DSCAM: variants seen among roughly 807,000 people sequenced by gnomAD.
The protein encoded by DSCAM is cell adhesion molecule DSCAM.
In DSCAM, 47 loss-of-function variants were observed where a neutral mutation model predicts 217.7. That is an observed-to-expected ratio of 0.22 (90% CI 0.17 to 0.28). The LOEUF is 0.28. DSCAM is among the 10% of genes least tolerant of loss of function. DSCAM has a pLI of 1.00. For missense variants in DSCAM, 2,080 were observed against 2,618.3 expected (o/e 0.79, Z 4.49); for synonymous variants, 1,056 against 1,015.3 (o/e 1.04, Z -0.76).
intron 32 of DSCAM, among the ~76,000 whole-genome samples, chr21:40,029,189 A>C (rs1354736285): frequency 6.6e-6 from 1 of 152,176 alleles, no homozygotes; most frequent in Non-Finnish European, 1.5e-5. Context: ...GCCAGTTGCA[A>C]ACCTTCTTGG....
At chr21:40,717,378 G>T (rs999074371) in intron 1 of DSCAM, among the ~76,000 whole-genome samples, 1 of 152,218 alleles carries the variant, frequency 6.6e-6, no homozygotes, top group African/African-American at 2.4e-5. Flanking sequence ...ACAAAACTGT[G>T]AGCAAATGTT....
At chr21:40,413,649 C>T (rs1027614125) in intron 3 of DSCAM, among the ~76,000 whole-genome samples, 2 of 152,156 alleles carry the variant, frequency 1.3e-5, no homozygotes, top group Non-Finnish European at 2.9e-5. Context: ...TACAGGATGA[C>T]TGAAACAACT....
At chr21:40,296,003 T>C (rs1425242600) in intron 10 of DSCAM, 52 bp downstream of exon 10, 14 of 1,592,286 alleles carry the variant, frequency 8.8e-6, no homozygotes, top group East Asian at 6.8e-5. Context: ...TCTAATCCTT[T>C]AGAACATAGC....
intron 1 of DSCAM, among the ~76,000 whole-genome samples, chr21:40,722,335 G>A (rs1036399470): frequency 2.0e-5 from 3 of 152,090 alleles, no homozygotes; most frequent in Non-Finnish European, 4.4e-5. Flanking sequence ...AATGCATTGT[G>A]TGGTTTGTAA....
intron 11 of DSCAM, among the ~76,000 whole-genome samples, chr21:40,262,375 C>A (rs1170135199): frequency 2.8e-5 from 4 of 144,172 alleles, no homozygotes; most frequent in African/African-American, 1.2e-4. Flanking sequence ...TCCTCACCAG[C>A]ATTAAGGCCC....
At chr21:40,636,025 T>C (rs929977261) in intron 3 of DSCAM, among the ~76,000 whole-genome samples, 1 of 152,212 alleles carries the variant, frequency 6.6e-6, no homozygotes, top group African/African-American at 2.4e-5. Context: ...TGTTCTAATA[T>C]TCTCTTAATA....
At chr21:40,614,888 G>C (rs1429497514) in intron 3 of DSCAM, among the ~76,000 whole-genome samples, 1 of 152,024 alleles carries the variant, frequency 6.6e-6, no homozygotes, top group Non-Finnish European at 1.5e-5. Context: ...ATGACTACCT[G>C]TGCATGCATC....
intron 1 of DSCAM, among the ~76,000 whole-genome samples, chr21:40,731,916 A>T (rs556661438): frequency 6.6e-6 from 1 of 152,036 alleles, no homozygotes; most frequent in East Asian, 1.9e-4. Context: ...TAGTAGAGAC[A>T]GGGTTTTATC....
At chr21:40,172,086 T>C (rs1219714163) in intron 15 of DSCAM, among the ~76,000 whole-genome samples, 5 of 152,190 alleles carry the variant, frequency 3.3e-5, no homozygotes, top group Non-Finnish European at 7.3e-5. Flanking sequence ...CTTGCCAACA[T>C]GGTGAAACAT....
intron 11 of DSCAM, among the ~76,000 whole-genome samples, chr21:40,261,652 T>TAC (rs71186922): frequency 0.31 from 41,554 of 133,268 alleles, 6,750 homozygotes; most frequent in East Asian, 0.49. Flanking sequence ...TCTCTCTCTC[T>TAC]ACACACACAC....
chr21:40,583,061 T>C (rs1469046801), intron 3 of DSCAM, among the ~76,000 whole-genome samples: 2 of 152,154 alleles, frequency 1.3e-5, no homozygotes, highest in Non-Finnish European at 2.9e-5. Context: ...TGACTGACTA[T>C]GAATGAACTA....
intron 3 of DSCAM, among the ~76,000 whole-genome samples, chr21:40,482,722 C>T (rs549787556): frequency 3.6e-4 from 55 of 152,260 alleles, no homozygotes; most frequent in African/African-American, 1.3e-3. Context: ...TTGAGTCTCA[C>T]TGTTTATTTT....
chr21:40,307,334 G>A (rs1194173647), intron 9 of DSCAM, among the ~76,000 whole-genome samples: 1 of 152,096 alleles, frequency 6.6e-6, no homozygotes, highest in African/African-American at 2.4e-5. Context: ...ATGAAAAAAT[G>A]CTCACCGTCA....
At chr21:40,272,832 G>C (rs531523125) in intron 11 of DSCAM, among the ~76,000 whole-genome samples, 1 of 151,890 alleles carries the variant, frequency 6.6e-6, no homozygotes, top group South Asian at 2.1e-4. Flanking sequence ...TACTTAATGT[G>C]TTTATTTAGA....
intron 3 of DSCAM, among the ~76,000 whole-genome samples, chr21:40,655,408 G>A (rs1453448838): frequency 6.6e-6 from 1 of 151,460 alleles, no homozygotes; most frequent in African/African-American, 2.4e-5. Context: ...ATGGGAGAAG[G>A]GCAAAAGGTG....
At chr21:40,434,907 A>G (rs566149728) in intron 3 of DSCAM, among the ~76,000 whole-genome samples, 16 of 152,302 alleles carry the variant, frequency 1.1e-4, no homozygotes, top group South Asian at 4.1e-4. Context: ...GGTAGCCACA[A>G]TTAGCCTTGT....
chr21:40,626,505 C>T (rs1177147685), intron 3 of DSCAM, among the ~76,000 whole-genome samples: 3 of 152,184 alleles, frequency 2.0e-5, no homozygotes, highest in Non-Finnish European at 4.4e-5. Context: ...GGTGACTTTC[C>T]ATTGAACTTA....
Position 40,028,236 on chromosome 21 carries a change from C to T in DSCAM, c.5686+14135G>A, listed in dbSNP as rs543398319. Among the ~76,000 whole-genome samples, 295 of 112,070 alleles carry T rather than the reference C, an allele frequency of 2.6e-3. 6 individuals carry two copies. Among genetic ancestry groups the T allele is most frequent in the African/African-American group, 9.6e-3 (272 of 28,462 alleles). The allele number at this position is 112,070 out of a possible 152,430, so 73.5% of individuals were successfully genotyped here. A position where few individuals can be genotyped will look rare whatever the true frequency, so the allele number is the denominator to read the frequency against. On this transcript the variant is annotated intron_variant, in intron 32 of 32. Coordinates refer to ENST00000400454, the MANE Select transcript of DSCAM (RefSeq NM_001389.5). ...TCTGCCCTTCTCAGATGTCCAGCTG[C>T]GTACTGGGAGGACCACTGCTCTCTT...
chr21:40,388,619 C>T (rs1350365433), intron 3 of DSCAM, among the ~76,000 whole-genome samples: 1 of 151,592 alleles, frequency 6.6e-6, no homozygotes, highest in East Asian at 2.0e-4. Context: ...AGGAAAATCA[C>T]GGGAGTTAAG....
Sources: gnomAD v4.1 joint callset for allele counts (sites outside exome capture counted in the v4.1 genomes callset) on GRCh38, gnomAD v4.1.1 for gene constraint, MANE v1.5 for transcripts, NCBI Gene and HGNC (gene_info 2026-07-23, HGNC 2026-07-21) for gene names.